The following PHC2 variants were observed in gnomAD, a reference collection of about 807,000 sequenced individuals.
PHC2 encodes the protein polyhomeotic-like protein 2.
A neutral mutation model predicts 87.4 loss-of-function variants in PHC2; 29 were observed. That is an observed-to-expected ratio of 0.33 (90% CI 0.25 to 0.45). The LOEUF is 0.45. Among genes scored for constraint, PHC2 ranks in the 20% least tolerant of loss-of-function variants. The pLI, the probability that PHC2 is intolerant of heterozygous loss-of-function variation, is 1.00. For missense variants in PHC2, 857 were observed against 1,136.7 expected, an observed-to-expected ratio of 0.75 and a Z score of 3.54; for synonymous variants, 438 against 461.7, an observed-to-expected ratio of 0.95 and a Z score of 0.66.
chr1:33,332,339 C>T lies in PHC2; in HGVS notation c.1827G>A (p.Glu609=). The part of the protein sequence containing the change: ...KKKYAQGFLP[E]KLPQQDHTTT... ...TGGTGTGATCCTGCTGTGGAAGTTT[C>T]TCAGGCAGGAACCCCTGTGCATACT... The change falls in exon 11 of 15, where the codon GAG becomes GAA. Residue 609 remains glutamate, a synonymous_variant. Transcript: ENST00000683057. The surrounding 1 kb of genome is among the most constrained non-coding windows in gnomAD (Gnocchi z 4.2). 6.2e-7 allele frequency: 1 copy of T among 1,614,220 alleles called. No individual in the cohort carries two copies. The highest frequency in any genetic ancestry group is 8.5e-7 in the Non-Finnish European group (1 of 1,180,040).
chr1:33,367,988 C>T (rs1218279267), intron 6 of PHC2, among the ~76,000 whole-genome samples: 2 of 152,156 alleles, frequency 1.3e-5, no homozygotes, highest in Non-Finnish European at 2.9e-5. Context: ...TCTGAAAATC[C>T]GGCTACCAGC....
At position 33,382,018 on chromosome 1, in the gene PHC2, T is replaced by G. The variant is rs181012976; in HGVS notation, c.-54-6425A>C. Among the ~76,000 whole-genome samples the G allele has an allele frequency of 1.3e-5, 2 of 152,108 alleles. No homozygotes were observed. Among genetic ancestry groups the G allele is most frequent in the Admixed American group, 1.3e-4 (2 of 15,282 alleles). On this transcript the variant is annotated intron_variant, in intron 1 of 14. Coordinates refer to ENST00000683057, the MANE Select transcript of PHC2 (RefSeq NM_001385109.1). This position sits in a 1 kb window ranked among gnomAD's most constrained non-coding sequence, Gnocchi z 4.3. Reference sequence around the variant, plus strand: ...TCCTGCCCGCATGGTGGTGGTGACTTATCAACGAGAGAGGTGAAGTTTGCC... The same window carrying G: ...TCCTGCCCGCATGGTGGTGGTGACTGATCAACGAGAGAGGTGAAGTTTGCC...
In PHC2 at chr1:33,337,092, T is replaced by C. The variant is rs183481532; in HGVS notation, c.1559-2800A>G. On this transcript the variant is annotated intron_variant, in intron 9 of 14. Coordinates refer to ENST00000683057, the MANE Select transcript of PHC2 (RefSeq NM_001385109.1). ...ATAGATTACTATGAAAGCTAAAATT[T>C]TGTTTTTTAGATGATGGCTATTTCC... 2.6e-3 allele frequency among the ~76,000 whole-genome samples: 389 copies of C among 152,350 alleles called. 2 individuals carry two copies. Among genetic ancestry groups the C allele is most frequent in the African/African-American group, 8.7e-3 (360 of 41,570 alleles).
intron 9 of PHC2, chr1:33,345,440 G>T: frequency 1.8e-6 from 1 of 543,502 alleles, no homozygotes; most frequent in Non-Finnish European, 2.3e-6. Context: ...ATATCATTTG[G>T]AAATTGGAAG....
intron 1 of PHC2, among the ~76,000 whole-genome samples, chr1:33,428,028 T>C (rs538428146): frequency 6.6e-6 from 1 of 152,208 alleles, no homozygotes; most frequent in East Asian, 1.9e-4. Flanking sequence ...TCTCAACTCC[T>C]ATAATACCAC....
chr1:33,406,160 T>C (rs951007053), intron 1 of PHC2, among the ~76,000 whole-genome samples: 2 of 152,170 alleles, frequency 1.3e-5, no homozygotes, highest in East Asian at 3.8e-4. Flanking sequence ...TTTAAGTATT[T>C]TGAGGTCATT....
chr1:33,378,125 G>A (rs1648276359), intron 1 of PHC2, among the ~76,000 whole-genome samples: 1 of 152,190 alleles, frequency 6.6e-6, no homozygotes, highest in Non-Finnish European at 1.5e-5. Context: ...CTACTGACTT[G>A]CTAAGGATGC....
At chr1:33,342,833 T>C (rs1323343515) in intron 9 of PHC2, among the ~76,000 whole-genome samples, 1 of 152,172 alleles carries the variant, frequency 6.6e-6, no homozygotes, top group Admixed American at 6.5e-5. Flanking sequence ...CTCCGGCCCA[T>C]GCTATGATTT....
intron 1 of PHC2, among the ~76,000 whole-genome samples, chr1:33,407,070 C>T (rs1459097703): frequency 6.6e-6 from 1 of 152,138 alleles, no homozygotes; most frequent in African/African-American, 2.4e-5. Context: ...TCACTGAGTT[C>T]ATAATTTTGA....
chr1:33,344,099 A>C (rs1356046777), intron 9 of PHC2, among the ~76,000 whole-genome samples: 1 of 152,236 alleles, frequency 6.6e-6, no homozygotes, highest in Non-Finnish European at 1.5e-5. Context: ...TGCTTTACTT[A>C]GAAAATACTA....
At position 33,332,137 on chromosome 1, in the gene PHC2, G is replaced by A; in HGVS notation, c.1891+138C>T. On this transcript the variant is annotated intron_variant, in intron 11 of 14. Transcript: ENST00000683057. This position sits in a 1 kb window ranked among gnomAD's most constrained non-coding sequence, Gnocchi z 4.2. Reference sequence around the variant, plus strand: ...CTATCCCTCTTTTTGAGGGAAGGAGGCTGAGGAGGTGCTGGGGGAAATGTT... The same window carrying A: ...CTATCCCTCTTTTTGAGGGAAGGAGACTGAGGAGGTGCTGGGGGAAATGTT... 1.1e-6 allele frequency: 1 copy of A among 905,710 alleles called. No homozygotes were observed. Among genetic ancestry groups the A allele is most frequent in the Middle Eastern group, 3.1e-4 (1 of 3,226 alleles). The allele number at this position is 905,710 out of a possible 1,614,324, so 56.1% of individuals were successfully genotyped here.
In PHC2 at chr1:33,334,314, A is replaced by G. The variant is rs1191410160; in HGVS notation, c.1559-22T>C. On this transcript the variant is annotated intron_variant, in intron 9 of 14. Transcript: ENST00000683057. The surrounding 1 kb of genome is among the most constrained non-coding windows in gnomAD (Gnocchi z 5.5). ...GTCTCTGCACGAGAGAGAGTAGGAAAACAAAGCAGGGGAGATCAGAACCAG... is the reference window on the plus strand; with the variant it reads ...GTCTCTGCACGAGAGAGAGTAGGAAGACAAAGCAGGGGAGATCAGAACCAG... 3.7e-6 allele frequency: 6 copies of G among 1,607,102 alleles called. No homozygotes were observed. Among genetic ancestry groups the G allele is most frequent in the Non-Finnish European group, 5.1e-6 (6 of 1,174,762 alleles).
chr1:33,404,123 A>T (rs1278734778), intron 1 of PHC2, among the ~76,000 whole-genome samples: 1 of 152,198 alleles, frequency 6.6e-6, no homozygotes, highest in East Asian at 1.9e-4. Context: ...CAAAATATCT[A>T]AATTTTAACC....
At chr1:33,392,649 G>C (rs964610972) in intron 1 of PHC2, 7 of 152,174 alleles carry the variant, frequency 4.6e-5, no homozygotes, top group African/African-American at 1.7e-4. Context: ...GTTTGACTGA[G>C]TAAAGAGCCC....
rs184247900 is a variant in PHC2 at position 33,370,954 on chromosome 1, G to T, written c.411+63C>A. ...CCACGGATTCACCACAACTGGGTCT[G>T]GGAACTTGGGCATTTTGGTCCTGGG... On this transcript the variant is annotated intron_variant, in intron 4 of 14. Transcript: ENST00000683057. 132 of 1,345,932 alleles carry T rather than the reference G, an allele frequency of 9.8e-5. No individual in the cohort carries two copies. The East Asian group carries it at 3.0e-3, about 30-fold the overall frequency. 83.4% of individuals were successfully genotyped at this position (1,345,932 alleles called of 1,614,324 possible). A position where few individuals can be genotyped will look rare whatever the true frequency, so the allele number is the denominator to read the frequency against.
At chr1:33,354,734 T>C (rs1041228600) in intron 8 of PHC2, 104 bp downstream of exon 8, 5 of 1,400,178 alleles carry the variant, frequency 3.6e-6, no homozygotes, top group Non-Finnish European at 4.9e-6. Context: ...CAAAGATGAC[T>C]TCACCCGTCA....
chr1:33,327,387 T>C (rs1358319600), intron 14 of PHC2, among the ~76,000 whole-genome samples: 2 of 152,138 alleles, frequency 1.3e-5, no homozygotes, highest in African/African-American at 4.8e-5. Flanking sequence ...GATGCTGTCA[T>C]GGGACCAAAC....
chr1:33,417,677 T>C (rs1197323633), intron 1 of PHC2, among the ~76,000 whole-genome samples: 1 of 152,114 alleles, frequency 6.6e-6, no homozygotes, highest in Admixed American at 6.5e-5. Flanking sequence ...TTTACCATTA[T>C]AGTTGGAGAC....
chr1:33,347,697 C>T (rs1024590228), intron 9 of PHC2: 60 of 985,336 alleles, frequency 6.1e-5, no homozygotes, highest in Middle Eastern at 5.2e-4. Flanking sequence ...AAAAAGATGT[C>T]TATTCTTCCC....
Sources: gnomAD v4.1 joint callset for allele counts (sites outside exome capture counted in the v4.1 genomes callset) on GRCh38, gnomAD v4.1.1 for gene constraint, Gnocchi (gnomAD v3.1) non-coding constraint, MANE v1.5 for transcripts, NCBI Gene and HGNC (gene_info 2026-07-23, HGNC 2026-07-21) for gene names.